SMPDL3A: variants seen among roughly 807,000 people sequenced by gnomAD.
The protein encoded by SMPDL3A is sphingomyelin phosphodiesterase acid like 3A.
SMPDL3A carries 39 observed loss-of-function variants against 38.5 expected under a neutral mutation model. The ratio of observed to expected loss-of-function variants is 1.01; its 90% CI spans 0.78 to 1.32. The LOEUF (loss-of-function observed/expected upper bound fraction) is 1.32, where lower values mean the gene tolerates loss of function less well. Among genes scored for constraint, SMPDL3A ranks in the 40% most tolerant of loss-of-function variants. The pLI, the probability that SMPDL3A is intolerant of heterozygous loss-of-function variation, is 0.00. For missense variants in SMPDL3A, 502 were observed against 536.2 expected (o/e 0.94, Z 0.63); for synonymous variants, 180 against 194.3 (o/e 0.93, Z 0.61).
chr6:122,794,385 C>A (rs191169054), intron 1 of SMPDL3A, among the ~76,000 whole-genome samples: 1 of 152,246 alleles, frequency 6.6e-6, no homozygotes, highest in African/African-American at 2.4e-5. Context: ...ATCACGAGGT[C>A]AGGAAATCGA....
chr6:122,798,142 T>C (rs930570232), intron 3 of SMPDL3A, among the ~76,000 whole-genome samples: 7 of 152,246 alleles, frequency 4.6e-5, no homozygotes, highest in African/African-American at 1.7e-4. Context: ...TAATCGAACC[T>C]GAATACAGTA....
In SMPDL3A at chr6:122,795,670, T is replaced by G; in HGVS notation, c.113-7T>G. 1 of 1,604,888 alleles carries G rather than the reference T, an allele frequency of 6.2e-7. No individual in the cohort carries two copies. The highest frequency in any genetic ancestry group is 8.5e-7 in the Non-Finnish European group (1 of 1,173,942). On this transcript the variant is annotated splice_region_variant and splice_polypyrimidine_tract_variant and intron_variant, in intron 1 of 7. Coordinates refer to ENST00000368440, the MANE Select transcript of SMPDL3A (RefSeq NM_006714.5). ...AGATTTATCTGCATTTTTTGTGTAA[T>G]CAACAGGACAGTTTTGGCATGTGAC...
At chr6:122,789,761 A>G (rs1781007737) in intron 1 of SMPDL3A, 1 of 867,694 alleles carries the variant, frequency 1.2e-6, no homozygotes, top group African/African-American at 1.8e-5. Context: ...TACATCCTGC[A>G]TCTCAGTTGT....
chr6:122,801,445 T>G, intron 4 of SMPDL3A, 39 bp downstream of exon 4: 1 of 1,379,878 alleles, frequency 7.2e-7, no homozygotes, highest in South Asian at 1.2e-5. Context: ...TTGCCTCAAT[T>G]TTTATTCATG....
intron 6 of SMPDL3A, 52 bp from the exon 7 acceptor site, chr6:122,806,181 T>C (rs576475743): frequency 1.4e-6 from 2 of 1,466,792 alleles, no homozygotes; most frequent in South Asian, 2.7e-5. Context: ...ATTTTTAATA[T>C]AGTTAAACTC....
intron 2 of SMPDL3A, 65 bp downstream of exon 2, chr6:122,795,955 G>C: frequency 8.4e-7 from 1 of 1,186,368 alleles, no homozygotes; most frequent in Non-Finnish European, 1.2e-6. Context: ...AGCTTCATAA[G>C]AGTGCTGAAT....
In SMPDL3A at chr6:122,789,424, G is replaced by C. The variant is rs931521680; in HGVS notation, c.78G>C (p.Ala26=). 6.5e-7 allele frequency: 1 copy of C among 1,549,258 alleles called. No homozygotes were observed. The highest frequency in any genetic ancestry group is 1.4e-5 in the African/African-American group (1 of 72,978). The part of the protein sequence containing the change: ...HCRSGLGLPV[A]PAGGRNPPPA... ...GCTCCGGCCTCGGGCTGCCCGTGGC[G>C]CCCGCAGGCGGCAGGAATCCTCCTC... Residue 26 remains alanine, a synonymous_variant, in exon 1 of 8, where the codon GCG becomes GCC. Coordinates refer to ENST00000368440, the MANE Select transcript of SMPDL3A (RefSeq NM_006714.5).
intron 2 of SMPDL3A, among the ~76,000 whole-genome samples, chr6:122,796,268 C>T (rs1312317381): frequency 6.6e-6 from 1 of 152,160 alleles, no homozygotes; most frequent in East Asian, 1.9e-4. Context: ...AACTGGTTCC[C>T]TTCATCATTA....
At chr6:122,808,609 CCCTTCCTTCCTTCCTT>C (rs1194682012) in intron 7 of SMPDL3A, among the ~76,000 whole-genome samples, 3 of 44,310 alleles carry the variant, frequency 6.8e-5, no homozygotes, top group African/African-American at 2.6e-4. Flanking sequence ...CTCCCTCCCT[CCCTTCCTTCCTTCCTT>C]CCTTCCTTCC....
At position 122,809,202 on chromosome 6, in the gene SMPDL3A, GA is replaced by G; in HGVS notation, c.1159del (p.Ser387ValfsTer5). ...QTYDIEDLQP[E>X]SLYGLAKQFT... ...CTACGACATTGAAGATTTGCAGCCG[GA>G]AAGTTTATATGGATTAGCTAAACAA... On this transcript the variant is annotated frameshift_variant, in exon 8 of 8. Transcript: ENST00000368440. LOFTEE classifies it low-confidence loss of function (END_TRUNC). 6.2e-7 allele frequency: 1 copy of G among 1,614,154 alleles called. No individual in the cohort carries two copies. Among genetic ancestry groups the G allele is most frequent in the Non-Finnish European group, 8.5e-7 (1 of 1,180,014 alleles).
intron 3 of SMPDL3A, among the ~76,000 whole-genome samples, chr6:122,800,156 T>TTTTG (rs1428859480): frequency 6.6e-6 from 1 of 151,962 alleles, no homozygotes; most frequent in Non-Finnish European, 1.5e-5. Context: ...TTTCTTAAAG[T>TTTTG]TTTGTTTGTT....
intron 6 of SMPDL3A, among the ~76,000 whole-genome samples, chr6:122,805,344 A>G (rs1203794082): frequency 2.0e-5 from 3 of 152,214 alleles, no homozygotes; most frequent in Non-Finnish European, 2.9e-5. Flanking sequence ...TCAACACAAA[A>G]GCCTCAGAAA....
Position 122,808,609 on chromosome 6 carries a change from C to CCTTCCTTCCTT in SMPDL3A, c.1045-481_1045-480insTTCCTTCCTTC, listed in dbSNP as rs1562357722. ...AGCCTCCCTTCCTCCCTCCCTCCCT[C>CCTTCCTTCCTT]CCTTCCTTCCTTCCTTCCTTCCTTC... On this transcript the variant is annotated intron_variant, in intron 7 of 7. Transcript: ENST00000368440. Among the ~76,000 whole-genome samples, 341 of 44,354 alleles carry CCTTCCTTCCTT rather than the reference C, an allele frequency of 7.7e-3. 5 individuals carry two copies. Among genetic ancestry groups the CCTTCCTTCCTT allele is most frequent in the African/African-American group, 0.024 (276 of 11,350 alleles). 29.1% of individuals were successfully genotyped at this position (44,354 alleles called of 152,430 possible).
chr6:122,807,546 CA>C (rs1194263098), intron 7 of SMPDL3A, among the ~76,000 whole-genome samples: 1 of 152,142 alleles, frequency 6.6e-6, no homozygotes, highest in Non-Finnish European at 1.5e-5. Flanking sequence ...ATATTTGGGA[CA>C]AAAGTTCTTT....
chr6:122,802,976 A>C (rs536070796), intron 4 of SMPDL3A, among the ~76,000 whole-genome samples: 4 of 152,332 alleles, frequency 2.6e-5, no homozygotes, highest in African/African-American at 9.6e-5. Flanking sequence ...AAAAATAATA[A>C]GGTGTTGTGA....
chr6:122,807,216 A>G (rs892271943), intron 7 of SMPDL3A, among the ~76,000 whole-genome samples: 6 of 152,146 alleles, frequency 3.9e-5, no homozygotes, highest in Admixed American at 1.3e-4. Context: ...ATTTTTTTAA[A>G]GGAAAAAAAT....
chr6:122,804,012 G>T, intron 5 of SMPDL3A, among the ~76,000 whole-genome samples, 179 bp downstream of exon 5: 1 of 150,808 alleles, frequency 6.6e-6, no homozygotes, highest in African/African-American at 2.4e-5. Context: ...TTTCGAGATG[G>T]AGTCTTACTC....
intron 1 of SMPDL3A, among the ~76,000 whole-genome samples, chr6:122,793,309 C>A (rs1259866645): frequency 6.6e-6 from 1 of 151,958 alleles, no homozygotes; most frequent in Non-Finnish European, 1.5e-5. Context: ...TATTATTATT[C>A]CCATTTCATC....
At chr6:122,800,593 T>C (rs933496446) in intron 3 of SMPDL3A, among the ~76,000 whole-genome samples, 15 of 152,166 alleles carry the variant, frequency 9.9e-5, no homozygotes, top group Non-Finnish European at 1.8e-4. Flanking sequence ...TCTGTGCTTT[T>C]GCCTGTGCCT....
Sources: gnomAD v4.1 joint callset for allele counts (sites outside exome capture counted in the v4.1 genomes callset) on GRCh38, gnomAD v4.1.1 for gene constraint, MANE v1.5 for transcripts, NCBI Gene and HGNC (gene_info 2026-07-23, HGNC 2026-07-21) for gene names.